Variants in KATNAL1 observed in about 807,000 individuals in gnomAD.
KATNAL1 encodes katanin p60 ATPase-containing subunit A-like 1.
Under a neutral mutation model 55.2 loss-of-function variants are expected in KATNAL1, and 32 were observed. That is an observed-to-expected ratio of 0.58 (90% confidence interval 0.44 to 0.78). The LOEUF (loss-of-function observed/expected upper bound fraction) is 0.78, where lower values mean the gene tolerates loss of function less well. Ranked by LOEUF, KATNAL1 falls within the 30% of genes least tolerant of loss-of-function variation. KATNAL1 has a pLI of 0.00. For missense variants in KATNAL1, 466 were observed against 600.9 expected (o/e 0.78, Z 2.35); for synonymous variants, 193 against 193.6 (o/e 1.00, Z 0.02).
At chr13:30,255,696 A>G (rs1438371066) in intron 3 of KATNAL1, 81 bp from the exon 4 acceptor site, 4 of 1,211,240 alleles carry the variant, frequency 3.3e-6, no homozygotes, top group Non-Finnish European at 4.2e-6. Context: ...TATCTTAGTC[A>G]ATAAAATTGT....
intron 3 of KATNAL1, among the ~76,000 whole-genome samples, chr13:30,262,101 C>T (rs1445684696): frequency 2.0e-5 from 3 of 151,948 alleles, no homozygotes; most frequent in East Asian, 1.9e-4. Flanking sequence ...AACTGAACAA[C>T]CTGCTCCTGA....
intron 1 of KATNAL1, among the ~76,000 whole-genome samples, chr13:30,286,017 C>T (rs1312258222): frequency 6.6e-6 from 1 of 152,142 alleles, no homozygotes; most frequent in Non-Finnish European, 1.5e-5. Flanking sequence ...GGGGATTGCT[C>T]TTAAAAGCAT....
At chr13:30,304,270 T>C (rs1464404355) in intron 1 of KATNAL1, among the ~76,000 whole-genome samples, 2 of 114,416 alleles carry the variant, frequency 1.7e-5, no homozygotes, top group Non-Finnish European at 4.4e-5. Flanking sequence ...ACACAACTCT[T>C]TTTTTTTTTT....
In KATNAL1 at chr13:30,241,079, T is replaced by G. The variant is rs917357039; in HGVS notation, c.500A>C (p.Lys167Thr). ...ATCACTTGCACCATCTTGCATATTC[T>G]TCCTTCCCTGGGGATAGGTATAAAA... ...RARGRDDKGR[K>T]NMQDGASDGE... The change falls in exon 5 of 11, where the codon AAG becomes ACG. Residue 167 changes from lysine to threonine, a missense_variant. By Grantham distance (78) the Lys-to-Thr change is moderately conservative (BLOSUM62 -1). Around this residue, in one of 3 missense-constraint regions of KATNAL1, gnomAD observed 248 missense variants for 275.5 expected, o/e 0.90. Transcript: ENST00000380615. The G allele has an allele frequency of 5.0e-6, 8 of 1,612,652 alleles. No individual in the cohort carries two copies. Among genetic ancestry groups the G allele is most frequent in the Non-Finnish European group, 6.8e-6 (8 of 1,179,630 alleles).
chr13:30,275,965 C>T (rs976367921), intron 3 of KATNAL1, among the ~76,000 whole-genome samples: 1 of 152,052 alleles, frequency 6.6e-6, no homozygotes, highest in African/African-American at 2.4e-5. Flanking sequence ...ATAGAAAATA[C>T]TACTTTCATG....
intron 1 of KATNAL1, among the ~76,000 whole-genome samples, chr13:30,285,046 A>G (rs1881683075): frequency 6.6e-6 from 1 of 152,172 alleles, no homozygotes; most frequent in Non-Finnish European, 1.5e-5. Context: ...TGGTTTGGGG[A>G]GCCTGACTCT....
At chr13:30,288,249 T>C (rs1199890285) in intron 1 of KATNAL1, among the ~76,000 whole-genome samples, 2 of 152,178 alleles carry the variant, frequency 1.3e-5, no homozygotes, top group Admixed American at 1.3e-4. Context: ...AGCATAATCA[T>C]TGTTTGGAAG....
chr13:30,255,525 T>C lies in KATNAL1; in HGVS notation c.414A>G (p.Arg138=), dbSNP rs1259495382. ...AGVGARGPVG[R]AHPISKSEKP... Reference sequence around the variant, plus strand: ...TTTCACTCTTTGATATAGGATGTGCTCGGCCTACAGGTCCCCGGGCTCCTA... The same window carrying C: ...TTTCACTCTTTGATATAGGATGTGCCCGGCCTACAGGTCCCCGGGCTCCTA... Residue 138 remains arginine (R), a synonymous_variant, in exon 4 of 11, where the codon CGA becomes CGG. Coordinates refer to ENST00000380615, the MANE Select transcript of KATNAL1 (RefSeq NM_032116.5). 3 of 1,600,546 alleles carry C rather than the reference T, an allele frequency of 1.9e-6. No homozygotes were observed. Among genetic ancestry groups the C allele is most frequent in the Admixed American group, 3.4e-5 (2 of 58,894 alleles).
chr13:30,299,635 A>G (rs543980955), intron 1 of KATNAL1, among the ~76,000 whole-genome samples: 1 of 152,340 alleles, frequency 6.6e-6, no homozygotes, highest in Non-Finnish European at 1.5e-5. Context: ...TAAAGACAAA[A>G]TATTTTAGCA....
rs187110608 is a variant in KATNAL1, at chr13:30,203,924, T to A, written c.*4616A>T. 6.6e-6 allele frequency: 1 copy of A among 152,258 alleles called. No homozygotes were observed. The highest frequency in any genetic ancestry group is 6.5e-5 in the Admixed American group (1 of 15,300). 9.4% of individuals were successfully genotyped at this position (152,258 alleles called of 1,614,324 possible). A position where few individuals can be genotyped will look rare whatever the true frequency, so the allele number is the denominator to read the frequency against. Reference sequence around the variant, plus strand: ...AAGTATGAAAAGCCTAATTTAAAAGTATAAATAAGTAAACTTACAATAATT... The same window carrying A: ...AAGTATGAAAAGCCTAATTTAAAAGAATAAATAAGTAAACTTACAATAATT... On this transcript the variant is annotated 3_prime_UTR_variant, in exon 11 of 11. Transcript: ENST00000380615.
chr13:30,210,209 G>T, intron 10 of KATNAL1, 107 bp downstream of exon 10: 1 of 837,790 alleles, frequency 1.2e-6, no homozygotes, highest in Non-Finnish European at 1.7e-6. Context: ...GAAATGGGTA[G>T]CTGCTTTCAT....
At chr13:30,283,177 G>C (rs1881514762) in intron 2 of KATNAL1, among the ~76,000 whole-genome samples, 1 of 134,348 alleles carries the variant, frequency 7.4e-6, no homozygotes, top group Non-Finnish European at 1.5e-5. Context: ...CTGAGGAGGA[G>C]AACTGCTTGA....
At chr13:30,227,365 A>G (rs748762069) in intron 9 of KATNAL1, 47 bp downstream of exon 9, 7 of 1,566,164 alleles carry the variant, frequency 4.5e-6, no homozygotes, top group South Asian at 1.2e-5. Flanking sequence ...TACATGGGAA[A>G]GGTAACAAAA....
At chr13:30,241,535 A>C (rs750794224) in intron 4 of KATNAL1, among the ~76,000 whole-genome samples, 1 of 152,200 alleles carries the variant, frequency 6.6e-6, no homozygotes, top group Non-Finnish European at 1.5e-5. Context: ...ATTTTATGCT[A>C]TGGTTTCTAT....
intron 6 of KATNAL1, among the ~76,000 whole-genome samples, chr13:30,235,627 G>A (rs145959179): frequency 6.6e-6 from 1 of 152,210 alleles, no homozygotes; most frequent in African/African-American, 2.4e-5. Context: ...ACATCCAGGA[G>A]AGCAAAGCAT....
chr13:30,257,203 G>A (rs1457257192), intron 3 of KATNAL1, among the ~76,000 whole-genome samples: 1 of 151,802 alleles, frequency 6.6e-6, no homozygotes, highest in Non-Finnish European at 1.5e-5. Flanking sequence ...GGATGAAGGG[G>A]TGGAAAGTAA....
At chr13:30,254,084 T>A (rs536221325) in intron 4 of KATNAL1, among the ~76,000 whole-genome samples, 1 of 152,156 alleles carries the variant, frequency 6.6e-6, no homozygotes, top group Non-Finnish European at 1.5e-5. Flanking sequence ...TTATGTAAAT[T>A]CAAGACTGAA....
chr13:30,227,662 C>T, intron 8 of KATNAL1, 116 bp from the exon 9 acceptor site: 1 of 1,054,134 alleles, frequency 9.5e-7, no homozygotes. Flanking sequence ...AAGTGCAGTC[C>T]TGACCTCTGT....
intron 9 of KATNAL1, among the ~76,000 whole-genome samples, chr13:30,211,805 T>C (rs925444967): frequency 1.3e-5 from 2 of 152,214 alleles, no homozygotes; most frequent in Non-Finnish European, 2.9e-5. Context: ...AAATGCTCTA[T>C]CAGATTTTAA....
Sources: gnomAD v4.1 joint callset for allele counts (sites outside exome capture counted in the v4.1 genomes callset) on GRCh38, gnomAD v4.1.1 for gene constraint, gnomAD v4.1.1 regional missense constraint, MANE v1.5 for transcripts, NCBI Gene and HGNC (gene_info 2026-07-23, HGNC 2026-07-21) for gene names.